Variants in RABGAP1L observed in about 807,000 individuals in gnomAD.
RABGAP1L encodes rab GTPase-activating protein 1-like.
RABGAP1L carries 63 observed loss-of-function variants against 137.7 expected under a neutral mutation model. The observed-to-expected ratio is 0.46, with a 90% confidence interval of 0.37 to 0.56. The LOEUF (loss-of-function observed/expected upper bound fraction) is 0.56, where lower values mean the gene tolerates loss of function less well. Among genes scored for constraint, RABGAP1L ranks in the 20% least tolerant of loss-of-function variants. The pLI is 0.00. For synonymous variants in RABGAP1L, 431 were observed against 433.7 expected, an observed-to-expected ratio of 0.99 and a Z score of 0.08; for missense variants, 1,095 against 1,244.0, an observed-to-expected ratio of 0.88 and a Z score of 1.80.
At chr1:174,458,335 AAAAAAAATTTTTTTCTGTACAG>A (rs1324245891) in intron 13 of RABGAP1L, among the ~76,000 whole-genome samples, 5 of 151,132 alleles carry the variant, frequency 3.3e-5, no homozygotes, top group African/African-American at 9.8e-5. Flanking sequence ...AAATTTACAG[AAAAAAAATTTTTTTCTGTACAG>A]AAAAAAATTT....
intron 13 of RABGAP1L, among the ~76,000 whole-genome samples, chr1:174,584,849 T>A (rs1214949778): frequency 2.0e-5 from 3 of 146,798 alleles, no homozygotes; most frequent in East Asian, 2.0e-4. Context: ...TTTTTTTTTT[T>A]AATCCCTCCT....
intron 18 of RABGAP1L, among the ~76,000 whole-genome samples, chr1:174,767,584 C>T (rs937274459): frequency 2.7e-5 from 4 of 150,608 alleles, no homozygotes; most frequent in Admixed American, 1.3e-4. Context: ...AGTGCAGTGG[C>T]GCAATCTCGG....
chr1:174,954,918 T>A (rs1466164323), intron 19 of RABGAP1L, among the ~76,000 whole-genome samples: 1 of 152,184 alleles, frequency 6.6e-6, no homozygotes, highest in Non-Finnish European at 1.5e-5. Context: ...ATCTTCAGAG[T>A]CTATTTTTGG....
chr1:174,872,631 A>C (rs1316214070), intron 19 of RABGAP1L, among the ~76,000 whole-genome samples: 1 of 151,132 alleles, frequency 6.6e-6, no homozygotes, highest in African/African-American at 2.4e-5. Context: ...GCACAATTGC[A>C]GTTCACTGTA....
chr1:174,626,359 A>G (rs1227484175), intron 13 of RABGAP1L, among the ~76,000 whole-genome samples: 14 of 152,176 alleles, frequency 9.2e-5, no homozygotes, highest in Admixed American at 9.2e-4. Flanking sequence ...AGTATTTTCC[A>G]CTGGAATCCC....
intron 1 of RABGAP1L, among the ~76,000 whole-genome samples, chr1:174,208,347 C>T (rs1668641007): frequency 6.6e-6 from 1 of 151,836 alleles, no homozygotes; most frequent in Non-Finnish European, 1.5e-5. Context: ...TGATTTCTTC[C>T]TTTCCAATCT....
intron 1 of RABGAP1L, among the ~76,000 whole-genome samples, chr1:174,162,203 C>T (rs1327170843): frequency 6.6e-6 from 1 of 151,982 alleles, no homozygotes; most frequent in East Asian, 1.9e-4. Context: ...TTTTATTAGG[C>T]ATGTGAAACA....
intron 18 of RABGAP1L, among the ~76,000 whole-genome samples, chr1:174,757,569 A>C: frequency 6.7e-6 from 1 of 149,122 alleles, no homozygotes; most frequent in Non-Finnish European, 1.5e-5. Context: ...TATAATAAAT[A>C]TAAATGTAAA....
intron 20 of RABGAP1L, among the ~76,000 whole-genome samples, chr1:174,961,490 C>T (rs1162810960): frequency 5.3e-5 from 8 of 152,094 alleles, no homozygotes; most frequent in African/African-American, 1.7e-4. Context: ...CTTTGGAGAA[C>T]GATATGCTTT....
chr1:174,615,548 C>T lies in RABGAP1L; in HGVS notation c.1711-21827C>T, dbSNP rs569779588. On this transcript the variant is annotated intron_variant, in intron 13 of 25. Coordinates refer to ENST00000681986, the MANE Select transcript of RABGAP1L (RefSeq NM_001366446.1). ...GGGGTCAGGGACCCAATTGAGGAGG[C>T]ATTCTGTCCATTCTCAGATCTCCAG... Among the ~76,000 whole-genome samples, 8 of 152,346 alleles carry T rather than the reference C, an allele frequency of 5.3e-5. No homozygotes were observed. The South Asian group carries it at 1.7e-3, about 32-fold the overall frequency.
intron 13 of RABGAP1L, among the ~76,000 whole-genome samples, chr1:174,623,945 C>T (rs1303284320): frequency 6.6e-6 from 1 of 152,162 alleles, no homozygotes; most frequent in Non-Finnish European, 1.5e-5. Flanking sequence ...ATAGTAAAAG[C>T]AGATGAAACC....
chr1:174,436,053 C>A (rs1436540424), intron 13 of RABGAP1L, among the ~76,000 whole-genome samples: 1 of 152,124 alleles, frequency 6.6e-6, no homozygotes. Context: ...TCTAGTCTAT[C>A]ATTGTTGGAC....
At chr1:174,547,902 G>A (rs958704460) in intron 13 of RABGAP1L, 9 of 1,549,398 alleles carry the variant, frequency 5.8e-6, no homozygotes, top group Non-Finnish European at 7.0e-6. Context: ...AAGGGTCTAT[G>A]AAGGTCTCCA....
chr1:174,869,486 G>T (rs1018601860), intron 19 of RABGAP1L, among the ~76,000 whole-genome samples: 1 of 152,142 alleles, frequency 6.6e-6, no homozygotes, highest in African/African-American at 2.4e-5. Context: ...CGCCATGATT[G>T]TAAGTTTCCC....
At chr1:174,596,874 G>A (rs933839138) in intron 13 of RABGAP1L, among the ~76,000 whole-genome samples, 1 of 152,066 alleles carries the variant, frequency 6.6e-6, no homozygotes, top group South Asian at 2.1e-4. Flanking sequence ...GTGTGTTGAA[G>A]TATGTTTCTT....
intron 19 of RABGAP1L, chr1:174,892,789 G>T: frequency 5.2e-6 from 2 of 384,438 alleles, no homozygotes; most frequent in Non-Finnish European, 1.0e-5. Flanking sequence ...GAGTGCAATG[G>T]CATGATCTTG....
intron 9 of RABGAP1L, among the ~76,000 whole-genome samples, 162 bp downstream of exon 9, chr1:174,276,097 C>T (rs1205832722): frequency 6.6e-6 from 1 of 152,022 alleles, no homozygotes; most frequent in Non-Finnish European, 1.5e-5. Context: ...TGGGGGAAAT[C>T]TCCACTATTT....
intron 14 of RABGAP1L, among the ~76,000 whole-genome samples, chr1:174,643,935 G>GTGTGTGTATGTA (rs1193501975): frequency 7.4e-6 from 1 of 134,582 alleles, no homozygotes; most frequent in Non-Finnish European, 1.5e-5. Flanking sequence ...GTGTGTGTGT[G>GTGTGTGTATGTA]TGTGTGTATG....
At chr1:174,493,797 G>A (rs1558281631) in intron 13 of RABGAP1L, among the ~76,000 whole-genome samples, 1 of 147,198 alleles carries the variant, frequency 6.8e-6, no homozygotes, top group Non-Finnish European at 1.5e-5. Context: ...CTTCAGCCTG[G>A]GAAATGGGAG....
Sources: allele counts gnomAD v4.1 joint callset (sites outside exome capture counted in the v4.1 genomes callset), GRCh38; gene constraint gnomAD v4.1.1; transcripts MANE v1.5; gene names NCBI Gene and HGNC (gene_info 2026-07-23, HGNC 2026-07-21).